Variants in NAV1 observed in about 807,000 individuals in gnomAD.
The protein encoded by NAV1 is neuron navigator 1.
NAV1 carries 18 observed loss-of-function variants against 175.2 expected under a neutral mutation model. That is an observed-to-expected ratio of 0.10 (90% CI 0.07 to 0.15). NAV1 has a LOEUF of 0.15. NAV1 is among the 10% of genes least tolerant of loss of function. The probability of loss-of-function intolerance (pLI) is 1.00; values close to 1 mark genes in which losing one functional copy is unlikely to be tolerated. For missense variants in NAV1, 1,731 were observed against 2,436.6 expected (o/e 0.71, Z 6.10); for synonymous variants, 897 against 978.7 (o/e 0.92, Z 1.56).
intron 2 of NAV1, among the ~76,000 whole-genome samples, 163 bp downstream of exon 6, chr1:201,713,082 C>A (rs1044611065): frequency 6.6e-6 from 1 of 152,214 alleles, no homozygotes; most frequent in African/African-American, 2.4e-5. Context: ...TTTATCTCAA[C>A]AAGAGAAGCT....
chr1:201,665,591 C>CG (rs1669792594), intron 1 of NAV1, among the ~76,000 whole-genome samples: 1 of 68,110 alleles, frequency 1.5e-5, no homozygotes, highest in Admixed American at 2.0e-4. Context: ...GAGCACCCCA[C>CG]CCCCCCCACT....
At chr1:201,784,881 C>T (rs1323095328) in intron 7 of NAV1, among the ~76,000 whole-genome samples, 1 of 152,078 alleles carries the variant, frequency 6.6e-6, no homozygotes, top group East Asian at 1.9e-4. Context: ...CATTCTCCTG[C>T]CTCAGCCTCC....
intron 7 of NAV1, among the ~76,000 whole-genome samples, chr1:201,784,753 T>G (rs1054010113): frequency 7.2e-5 from 11 of 151,742 alleles, no homozygotes; most frequent in African/African-American, 2.4e-4. Context: ...CTTTTTTGTT[T>G]GTTTGTTTTT....
rs192589871 is a variant in NAV1 at position 201,614,604 on chromosome 1, C to T, written c.-32-8249C>T. 5.3e-5 allele frequency among the ~76,000 whole-genome samples: 8 copies of T among 152,350 alleles called. No individual in the cohort carries two copies. The East Asian group carries it at 9.6e-4, about 18-fold the overall frequency. On this transcript the variant is annotated intron_variant, in intron 2 of 33. Transcript: ENST00000685211. The stretch of plus-strand genomic sequence containing the variant: ...TTTATAGGCCCAAAACACTTCCTTG[C>T]TCTGGGGTTTGCAGAGCTTTAATGG...
chr1:201,615,709 G>T (rs371166002), intron 2 of NAV1, among the ~76,000 whole-genome samples: 12 of 152,174 alleles, frequency 7.9e-5, no homozygotes, highest in Admixed American at 5.9e-4. Flanking sequence ...CTTTTCTAAA[G>T]CCACATAGCA....
chr1:201,649,473 C>T (rs746176781), intron 1 of NAV1, 48 bp downstream of exon 5: 2 of 1,456,294 alleles, frequency 1.4e-6, no homozygotes, highest in Non-Finnish European at 1.8e-6. Flanking sequence ...TTCTCCTAAC[C>T]AGCTGCTGGG....
In NAV1 at chr1:201,763,741, A is replaced by G. The variant is rs145679465; in HGVS notation, c.1227-16680A>G. 4.5e-3 allele frequency among the ~76,000 whole-genome samples: 691 copies of G among 152,254 alleles called. 4 individuals carry two copies. The highest frequency in any genetic ancestry group is 0.01 in the Middle Eastern group (3 of 294). ...AACAGTCTCTCATGTCTTTCCTTCT[A>G]TATTCTCACTTCTCTGTCTCTCCTC... On this transcript the variant is annotated intron_variant, in intron 3 of 29. Transcript: ENST00000367296.
chr1:201,554,523 C>T (rs1665956006), intron 1 of NAV1, among the ~76,000 whole-genome samples: 1 of 152,118 alleles, frequency 6.6e-6, no homozygotes, highest in African/African-American at 2.4e-5. Context: ...CTAGGGCGGC[C>T]CTGCTGGGGA....
chr1:201,612,686 A>G (rs556556572), intron 2 of NAV1, among the ~76,000 whole-genome samples: 30 of 152,252 alleles, frequency 2.0e-4, no homozygotes, highest in African/African-American at 4.8e-4. Context: ...CTCATGACCT[A>G]ATCTCCTCCC....
At chr1:201,746,301 A>ACT (rs1673766797) in intron 3 of NAV1, among the ~76,000 whole-genome samples, 3 of 152,220 alleles carry the variant, frequency 2.0e-5, no homozygotes, top group African/African-American at 7.2e-5. Context: ...ATACCACTGT[A>ACT]AGAGCTAATA....
chr1:201,734,562 A>G (rs929963492), intron 3 of NAV1, among the ~76,000 whole-genome samples: 5 of 149,338 alleles, frequency 3.3e-5, no homozygotes, highest in Admixed American at 6.7e-5. Flanking sequence ...AATACATTGT[A>G]TGAGGTTTCA....
chr1:201,687,460 T>C (rs959345159), intron 1 of NAV1, among the ~76,000 whole-genome samples: 1 of 152,224 alleles, frequency 6.6e-6, no homozygotes, highest in Non-Finnish European at 1.5e-5. Flanking sequence ...TTCCCACTTA[T>C]GATAATAATA....
Position 201,808,849 on chromosome 1 carries a change from C to T in NAV1, c.4185C>T (p.Phe1395=), listed in dbSNP as rs778932813. 7.4e-6 allele frequency: 12 copies of T among 1,612,620 alleles called. No homozygotes were observed. The highest frequency in any genetic ancestry group is 2.2e-5 in the East Asian group (1 of 44,850). The change falls in exon 20 of 30, where the codon TTC becomes TTT. Residue 1395 remains phenylalanine (F), a synonymous_variant. Transcript: ENST00000367296. The surrounding 1 kb of genome is among the most constrained non-coding windows in gnomAD (Gnocchi z 5.5). ...TAGGCCTGGCACTCACCCATTCCTT[C>T]GGCCCCAGTCTTGCAGACACAGGTA...
In NAV1 at chr1:201,790,478, G is replaced by A. The variant is rs990978166; in HGVS notation, c.3220-76G>A. 16 of 1,532,006 alleles carry A rather than the reference G, an allele frequency of 1.0e-5. No homozygotes were observed. The Admixed American group carries it at 1.2e-4, about 11-fold the overall frequency. The allele number at this position is 1,532,006 out of a possible 1,614,324, so 94.9% of individuals were successfully genotyped here. On this transcript the variant is annotated intron_variant, in intron 11 of 29. Transcript: ENST00000367296. ...TCTTCACATTTCCTACCCTGCCACT[G>A]GGACCTGACTTCTTCACCTCCATAG...
At chr1:201,826,062 C>G (rs891555614) in exon 30 of NAV1, 1 of 152,198 alleles carries the variant, frequency 6.6e-6, no homozygotes, top group African/African-American at 2.4e-5. Flanking sequence ...CTGTTTAGAA[C>G]TGGTTTTGTT....
At chr1:201,717,074 T>G (rs1229504732) in intron 2 of NAV1, among the ~76,000 whole-genome samples, 1 of 152,212 alleles carries the variant, frequency 6.6e-6, no homozygotes, top group Non-Finnish European at 1.5e-5. Flanking sequence ...TTTGGATCCC[T>G]CAAGTTCTGC....
chr1:201,649,311 G>A (rs747451247), exon 1 of NAV1: 2 of 1,612,824 alleles, frequency 1.2e-6, no homozygotes, highest in Non-Finnish European at 1.7e-6. Context: ...AAAGAGCTCT[G>A]GGCCTGTCCC....
At position 201,808,012 on chromosome 1, in the gene NAV1, A is replaced by C; in HGVS notation, c.3708A>C (p.Ser1236=). 6.2e-7 allele frequency: 1 copy of C among 1,614,116 alleles called. No individual in the cohort carries two copies. The highest frequency in any genetic ancestry group is 1.3e-5 in the African/African-American group (1 of 75,010). The change falls in exon 18 of 30, where the codon TCA becomes TCC. Residue 1236 remains serine (S), a synonymous_variant. Coordinates refer to ENST00000367296, the Ensembl canonical transcript of NAV1. The surrounding 1 kb of genome is among the most constrained non-coding windows in gnomAD (Gnocchi z 5.5). ...AAAAGGGGCCCAAGTCAGCTTCCTC[A>C]TACTCGGATATAGAGGAGATTGCTA...
At chr1:201,574,003 C>A (rs1234520713) in intron 1 of NAV1, among the ~76,000 whole-genome samples, 3 of 151,560 alleles carry the variant, frequency 2.0e-5, no homozygotes, top group African/African-American at 7.3e-5. Context: ...CTACAGTGAG[C>A]TATGATAGTG....
Sources: allele counts gnomAD v4.1 joint callset (sites outside exome capture counted in the v4.1 genomes callset), GRCh38; gene constraint gnomAD v4.1.1; non-coding constraint Gnocchi (gnomAD v3.1); transcripts MANE v1.5; gene names NCBI Gene and HGNC (gene_info 2026-07-23, HGNC 2026-07-21).